The following KIF9 variants were observed in gnomAD, a reference collection of about 807,000 sequenced individuals.
The protein encoded by KIF9 is kinesin family member 9.
KIF9 carries 68 observed loss-of-function variants against 94.8 expected under a neutral mutation model. That is an observed-to-expected ratio of 0.72 (90% CI 0.59 to 0.88). KIF9 has a LOEUF of 0.88. Among genes scored for constraint, KIF9 ranks in the 40% least tolerant of loss-of-function variants. KIF9 has a pLI of 0.00. For missense variants in KIF9, 882 were observed against 982.5 expected (o/e 0.90, Z 1.37); for synonymous variants, 343 against 362.1 (o/e 0.95, Z 0.60).
At chr3:47,273,910 G>T (rs1576082705) in intron 3 of KIF9, among the ~76,000 whole-genome samples, 1 of 152,250 alleles carries the variant, frequency 6.6e-6, no homozygotes, top group East Asian at 1.9e-4. Context: ...TCCACCAAGA[G>T]ATGATCCGGC....
chr3:47,243,563 G>C (rs1239336721), intron 15 of KIF9: 5 of 204,330 alleles, frequency 2.4e-5, no homozygotes, highest in African/African-American at 4.6e-5. Flanking sequence ...CAGGTTCTCA[G>C]GAACCACCAC....
At chr3:47,242,019 G>T (rs1699603360) in intron 16 of KIF9, among the ~76,000 whole-genome samples, 1 of 151,334 alleles carries the variant, frequency 6.6e-6, no homozygotes, top group South Asian at 2.1e-4. Context: ...GAGTAGCTCG[G>T]ACTACAGGCA....
chr3:47,269,612 A>AT (rs1159980715), intron 5 of KIF9, among the ~76,000 whole-genome samples: 1 of 149,932 alleles, frequency 6.7e-6, no homozygotes, highest in Non-Finnish European at 1.5e-5. Flanking sequence ...CCTTTATTTT[A>AT]TTTTTTTGAG....
chr3:47,258,524 C>T (rs1010659864), intron 9 of KIF9, among the ~76,000 whole-genome samples: 1 of 152,168 alleles, frequency 6.6e-6, no homozygotes, highest in African/African-American at 2.4e-5. Context: ...GAAATATAAT[C>T]CCCAATGCTG....
At chr3:47,257,375 T>C (rs915938851) in intron 10 of KIF9, 108 bp downstream of exon 10, 19 of 947,534 alleles carry the variant, frequency 2.0e-5, no homozygotes, top group Non-Finnish European at 2.8e-5. Context: ...CAGGGCTGCA[T>C]GGGGATCTTT....
intron 5 of KIF9, among the ~76,000 whole-genome samples, chr3:47,270,419 T>G (rs1477851655): frequency 6.6e-6 from 1 of 151,102 alleles, no homozygotes; most frequent in African/African-American, 2.4e-5. Context: ...ACACCCAGCT[T>G]ATTTTTTGTA....
intron 5 of KIF9, 45 bp from the exon 6 acceptor site, chr3:47,267,308 C>T (rs146105016): frequency 1.9e-4 from 260 of 1,358,558 alleles, no homozygotes; most frequent in African/African-American, 8.4e-4. Flanking sequence ...AAAACTAAAA[C>T]GACAAGGCAC....
chr3:47,258,244 T>C (rs1700746569), intron 9 of KIF9, among the ~76,000 whole-genome samples: 2 of 151,172 alleles, frequency 1.3e-5, no homozygotes, highest in Admixed American at 1.3e-4. Context: ...GGGGTTTTGT[T>C]TGTTTTGTTT....
chr3:47,281,111 A>G, intron 1 of KIF9: 1 of 680,448 alleles, frequency 1.5e-6, no homozygotes, highest in South Asian at 1.6e-5. Flanking sequence ...GTAGGTATTC[A>G]GGAAATGGCG....
rs769694322 is a variant in KIF9, at chr3:47,271,339, GACTGAGGGTCCAAC to G, written c.475_488del (p.Val159HisfsTer15). 2.5e-6 allele frequency: 4 copies of G among 1,614,024 alleles called. No individual in the cohort carries two copies. Among genetic ancestry groups the G allele is most frequent in the Non-Finnish European group, 3.4e-6 (4 of 1,179,964 alleles). On this transcript the variant is annotated frameshift_variant, in exon 5 of 21. Transcript: ENST00000684063. LOFTEE classifies it high-confidence loss of function. ...GGTTTTCCACGATGGTCATTGGTGT[GACTGAGGGTCCAAC>G]ATAGGGCAGAGTGGACAGGAGATCA...
intron 16 of KIF9, among the ~76,000 whole-genome samples, chr3:47,241,793 A>T (rs1699533960): frequency 1.2e-5 from 1 of 85,164 alleles, no homozygotes; most frequent in African/African-American, 4.5e-5. Context: ...ATATACGTGT[A>T]TATATGTATA....
In KIF9 at chr3:47,275,593, T is replaced by C. The variant is rs147921115; in HGVS notation, c.94-103A>G. 4.3e-5 allele frequency: 36 copies of C among 845,592 alleles called. No homozygotes were observed. The East Asian group carries it at 8.7e-4, about 20-fold the overall frequency. 52.4% of individuals were successfully genotyped at this position (845,592 alleles called of 1,614,324 possible). ...CCTAATCTGGAGGGAACAGAGGAAA[T>C]GAACTGTAGGATGAATGGGGACTCC... On this transcript the variant is annotated intron_variant, in intron 2 of 20. Coordinates refer to ENST00000684063, the MANE Select transcript of KIF9 (RefSeq NM_182902.4).
intron 10 of KIF9, among the ~76,000 whole-genome samples, chr3:47,256,106 G>A (rs942361315): frequency 2.0e-5 from 3 of 152,198 alleles, no homozygotes; most frequent in Non-Finnish European, 4.4e-5. Context: ...ATCTCGGCTC[G>A]CTACAACTTC....
Position 47,244,706 on chromosome 3 carries a change from G to C in KIF9, c.1514+85C>G, listed in dbSNP as rs1699808797. ...CCAACCCAGTAGCTGAGACACCAGG[G>C]GGAAAGTGGGAACAGTGCACATCCT... is the stretch of plus-strand genomic sequence containing the variant. On this transcript the variant is annotated intron_variant, in intron 15 of 20. Coordinates refer to ENST00000684063, the MANE Select transcript of KIF9 (RefSeq NM_182902.4). The C allele has an allele frequency of 1.1e-5, 16 of 1,509,500 alleles. No homozygotes were observed. The South Asian group carries it at 1.8e-4, about 17-fold the overall frequency. 93.5% of individuals were successfully genotyped at this position (1,509,500 alleles called of 1,614,324 possible).
chr3:47,235,703 G>T, intron 19 of KIF9, 86 bp from the exon 20 acceptor site: 1 of 1,113,340 alleles, frequency 9.0e-7, no homozygotes, highest in Non-Finnish European at 1.4e-6. Flanking sequence ...GTCCCTTGCT[G>T]GGTTTGTGCC....
chr3:47,273,384 ACTC>A (rs544431042), intron 4 of KIF9, among the ~76,000 whole-genome samples, 165 bp downstream of exon 4: 275 of 151,944 alleles, frequency 1.8e-3, no homozygotes, highest in Non-Finnish European at 3.5e-3. Flanking sequence ...GAGGCCCCTG[ACTC>A]TACTGACTCC....
In KIF9 at chr3:47,239,823, C is replaced by A. The variant is rs1227495611; in HGVS notation, c.1924+978G>T. 5.1e-6 allele frequency: 7 copies of A among 1,367,520 alleles called. No individual in the cohort carries two copies. The African/African-American group carries it at 1.0e-4, about 20-fold the overall frequency. 84.7% of individuals were successfully genotyped at this position (1,367,520 alleles called of 1,614,324 possible). A position where few individuals can be genotyped will look rare whatever the true frequency, so the allele number is the denominator to read the frequency against. On this transcript the variant is annotated intron_variant, in intron 17 of 20. Transcript: ENST00000684063. ...GATGCATCTGACTTGCAGGAATAAACCAAGTGACATCTGGAGATCACTCAT... is the reference window on the plus strand; with the variant it reads ...GATGCATCTGACTTGCAGGAATAAAACAAGTGACATCTGGAGATCACTCAT...
chr3:47,236,725 G>A, intron 17 of KIF9, 106 bp from the exon 18 acceptor site: 1 of 960,152 alleles, frequency 1.0e-6, no homozygotes, highest in Non-Finnish European at 1.6e-6. Context: ...CATGAAGACA[G>A]GAGACCACAG....
chr3:47,245,479 C>A lies in KIF9; in HGVS notation c.1322G>T (p.Arg441Leu), dbSNP rs141902888. 5 of 1,613,766 alleles carry A rather than the reference C, an allele frequency of 3.1e-6. No homozygotes were observed. The Admixed American group carries it at 8.3e-5, about 27-fold the overall frequency. ...CCTGTCAATGAGGGTGTACTTCCTG[C>A]GCAAAGTGGACTCCACTTCCTGTTC... is the stretch of plus-strand genomic sequence containing the variant. ...QQEQEVESTL[R>L]RKYTLIDRND... The change falls in exon 14 of 21, where the codon CGC (arginine) becomes CTC (leucine). Residue 441 changes from arginine (R) to leucine (L), a missense_variant. By Grantham distance (102) the Arg-to-Leu change is moderately radical (BLOSUM62 -2). Transcript: ENST00000684063.
Sources: allele counts gnomAD v4.1 joint callset (sites outside exome capture counted in the v4.1 genomes callset), GRCh38; gene constraint gnomAD v4.1.1; transcripts MANE v1.5; gene names NCBI Gene and HGNC (gene_info 2026-07-23, HGNC 2026-07-21).